RHBDD1: variants seen among roughly 807,000 people sequenced by gnomAD.
RHBDD1 encodes rhomboid-related protein 4.
In RHBDD1, 38 loss-of-function variants were observed where a neutral mutation model predicts 36.3. That is an observed-to-expected ratio of 1.05 (90% CI 0.81 to 1.37). The LOEUF is 1.37. Ranked by LOEUF, RHBDD1 falls within the 40% of genes most tolerant of loss-of-function variation. RHBDD1 has a pLI of 0.00. For synonymous variants in RHBDD1, 151 were observed against 136.5 expected, an observed-to-expected ratio of 1.11 and a Z score of -0.74; for missense variants, 393 against 377.6, an observed-to-expected ratio of 1.04 and a Z score of -0.34.
At chr2:226,816,287 A>G in the RHBDD1 span, among the ~76,000 whole-genome samples, 1 of 150,906 alleles carries the variant, frequency 6.6e-6, no homozygotes, top group African/African-American at 2.4e-5. Context: ...TTCAAGACCC[A>G]TCACCGTGCC....
chr2:226,935,662 A>T (rs1460712257), intron 8 of RHBDD1, among the ~76,000 whole-genome samples: 1 of 151,952 alleles, frequency 6.6e-6, no homozygotes, highest in African/African-American at 2.4e-5. Flanking sequence ...GAAGGAATCG[A>T]ATTGGTTATG....
chr2:226,893,270 G>A (rs568298572), intron 5 of RHBDD1, among the ~76,000 whole-genome samples: 13 of 152,260 alleles, frequency 8.5e-5, no homozygotes, highest in African/African-American at 2.9e-4. Flanking sequence ...TTAAAATCAG[G>A]CTATAAACAG....
chr2:226,981,976 C>T lies in RHBDD1; in HGVS notation c.857-13455C>T, dbSNP rs533565246. Among the ~76,000 whole-genome samples the T allele has an allele frequency of 9.2e-5, 14 of 152,278 alleles. No individual in the cohort carries two copies. In the East Asian group the frequency reaches 2.7e-3, roughly 29 times the overall value. ...GTTATCTAGACCTTTGTGGAGAAGC[C>T]CACCCTGGTTTCCTAAACCACAAGC... On this transcript the variant is annotated intron_variant, in intron 8 of 8. Coordinates refer to ENST00000392062, the MANE Select transcript of RHBDD1 (RefSeq NM_001167608.3).
chr2:226,827,606 T>C, the RHBDD1 span, among the ~76,000 whole-genome samples: 2 of 152,336 alleles, frequency 1.3e-5, no homozygotes, highest in South Asian at 4.1e-4. Context: ...ATTTACACAT[T>C]AAGTATTGAA....
chr2:226,802,629 A>C, the RHBDD1 span, among the ~76,000 whole-genome samples: 1 of 152,226 alleles, frequency 6.6e-6, no homozygotes, highest in Non-Finnish European at 1.5e-5. Context: ...TGTATGAAAA[A>C]TTTACTCCCC....
At chr2:226,986,722 A>G (rs1311874561) in intron 8 of RHBDD1, among the ~76,000 whole-genome samples, 2 of 152,236 alleles carry the variant, frequency 1.3e-5, no homozygotes, top group Non-Finnish European at 2.9e-5. Flanking sequence ...ATGCTTGTAC[A>G]CTGTTGGTGG....
intron 8 of RHBDD1, among the ~76,000 whole-genome samples, chr2:226,958,530 C>T (rs1020908515): frequency 4.6e-5 from 7 of 151,898 alleles, no homozygotes; most frequent in African/African-American, 9.7e-5. Flanking sequence ...TCTAAGTAGG[C>T]GAATTGTGTA....
chr2:226,906,873 C>G lies in RHBDD1; in HGVS notation c.647C>G (p.Ala216Gly), dbSNP rs144396791. Reference sequence around the variant, plus strand: ...GGGCCTCTGAAGAAAATCATGGAAGCATGTGCAGGTACAGAATAAAACACC... The same window carrying G: ...GGGCCTCTGAAGAAAATCATGGAAGGATGTGCAGGTACAGAATAAAACACC... ...TQGPLKKIME[A>G]CAGGFSSSVG... Residue 216 changes from alanine to glycine, a missense_variant, in exon 6 of 9, where the codon GCA becomes GGA. Ala to Gly is a moderately conservative substitution (Grantham distance 60). Transcript: ENST00000392062. 3,603 of 1,614,096 alleles carry G rather than the reference C, an allele frequency of 2.2e-3. 7 individuals are homozygous for G. The highest frequency in any genetic ancestry group is 2.9e-3 in the Non-Finnish European group (3,386 of 1,179,952).
chr2:226,985,103 T>C (rs1956647651), intron 8 of RHBDD1, among the ~76,000 whole-genome samples: 1 of 152,182 alleles, frequency 6.6e-6, no homozygotes, highest in African/African-American at 2.4e-5. Flanking sequence ...AGATTATGTC[T>C]GTTTATCTCC....
intron 5 of RHBDD1, among the ~76,000 whole-genome samples, chr2:226,885,687 C>T (rs2125439212): frequency 6.6e-6 from 1 of 152,182 alleles, no homozygotes; most frequent in East Asian, 1.9e-4. Flanking sequence ...TTATTTATGG[C>T]TTTTTCTTCA....
At chr2:226,946,655 A>T (rs1951010462) in intron 8 of RHBDD1, among the ~76,000 whole-genome samples, 1 of 152,208 alleles carries the variant, frequency 6.6e-6, no homozygotes, top group South Asian at 2.1e-4. Flanking sequence ...GATAAAGGGG[A>T]TATCACCACT....
chr2:226,833,215 AT>A (rs1348962089), upstream of RHBDD1, among the ~76,000 whole-genome samples: 1 of 152,222 alleles, frequency 6.6e-6, no homozygotes, highest in African/African-American at 2.4e-5. Flanking sequence ...AAATTATCTT[AT>A]CAGTTTTACA....
At chr2:226,917,606 T>A (rs1300671362) in intron 8 of RHBDD1, among the ~76,000 whole-genome samples, 2 of 152,176 alleles carry the variant, frequency 1.3e-5, no homozygotes, top group Non-Finnish European at 2.9e-5. Context: ...AGAAGATTGC[T>A]AAGACTAAAT....
At chr2:226,826,380 A>G in the RHBDD1 span, among the ~76,000 whole-genome samples, 4 of 152,220 alleles carry the variant, frequency 2.6e-5, no homozygotes, top group Non-Finnish European at 5.9e-5. Flanking sequence ...ATTGATATGC[A>G]ATTATAATAA....
At chr2:226,812,079 A>G in the RHBDD1 span, among the ~76,000 whole-genome samples, 1 of 152,206 alleles carries the variant, frequency 6.6e-6, no homozygotes, top group Admixed American at 6.5e-5. Flanking sequence ...AATTTCCTCA[A>G]GCTAGTTTCA....
chr2:226,974,011 C>T (rs950662330), intron 8 of RHBDD1, among the ~76,000 whole-genome samples: 7 of 152,142 alleles, frequency 4.6e-5, no homozygotes, highest in Non-Finnish European at 1.0e-4. Context: ...TGCCCCTCAC[C>T]GCCTTTCCAC....
chr2:226,840,454 G>C (rs1293311280), intron 3 of RHBDD1, among the ~76,000 whole-genome samples: 1 of 152,172 alleles, frequency 6.6e-6, no homozygotes, highest in Non-Finnish European at 1.5e-5. Context: ...ATCTCATTAA[G>C]GAGAGGAAAG....
At chr2:226,908,730 G>T in intron 6 of RHBDD1, 92 bp from the exon 7 acceptor site, 1 of 850,094 alleles carries the variant, frequency 1.2e-6, no homozygotes, top group Non-Finnish European at 2.0e-6. Flanking sequence ...AAATGACCTT[G>T]GGCTTTGTCC....
Position 226,970,397 on chromosome 2 carries a change from T to C in RHBDD1, c.857-25034T>C, listed in dbSNP as rs968287845. ...CATTTTTTACTAAAATAAGCTTTTT[T>C]CCCCCCTTTTTAACCTTTGTCTCAT... On this transcript the variant is annotated intron_variant, in intron 8 of 8. Transcript: ENST00000392062. 8.5e-5 allele frequency among the ~76,000 whole-genome samples: 13 copies of C among 152,192 alleles called. No individual in the cohort carries two copies. The South Asian group carries it at 1.5e-3, about 17-fold the overall frequency.
Sources: gnomAD v4.1 joint callset for allele counts (sites outside exome capture counted in the v4.1 genomes callset) on GRCh38, gnomAD v4.1.1 for gene constraint, MANE v1.5 for transcripts, NCBI Gene and HGNC (gene_info 2026-07-23, HGNC 2026-07-21) for gene names.